TRHDE: variants seen among roughly 807,000 people sequenced by gnomAD.
TRHDE encodes thyrotropin-releasing hormone-degrading ectoenzyme.
Under a neutral mutation model 125.7 loss-of-function variants are expected in TRHDE, and 72 were observed. The ratio of observed to expected loss-of-function variants is 0.57; its 90% CI spans 0.47 to 0.70. The LOEUF (loss-of-function observed/expected upper bound fraction) is 0.70, where lower values mean the gene tolerates loss of function less well. TRHDE is among the 30% of genes least tolerant of loss of function. The pLI, the probability that TRHDE is intolerant of heterozygous loss-of-function variation, is 0.00. For synonymous variants in TRHDE, 509 were observed against 509.1 expected (o/e 1.00, Z 0.00); for missense variants, 1,110 against 1,327.1 (o/e 0.84, Z 2.54).
rs554208383 is a variant in TRHDE at position 72,121,926 on chromosome 12, T to G, written n.279+16174T>G. Among the ~76,000 whole-genome samples the G allele has an allele frequency of 1.4e-3, 210 of 152,208 alleles. 1 individual carries two copies. Among genetic ancestry groups the G allele is most frequent in the African/African-American group, 4.6e-3 (192 of 41,542 alleles). Reference sequence around the variant, plus strand: ...ATCTACTGGCTTGTCTTAGCTGGGTTGTGTAGAGCCATAGCCAGGCCAGCT... The same window carrying G: ...ATCTACTGGCTTGTCTTAGCTGGGTGGTGTAGAGCCATAGCCAGGCCAGCT... On this transcript the variant is annotated intron_variant and non_coding_transcript_variant, in intron 2 of 4. Transcript: ENST00000548156.
chr12:72,572,445 C>T (rs756798518), intron 10 of TRHDE, among the ~76,000 whole-genome samples: 1 of 152,044 alleles, frequency 6.6e-6, no homozygotes, highest in Non-Finnish European at 1.5e-5. Context: ...TGGTACTCAT[C>T]AAATACCATA....
At position 72,506,614 on chromosome 12, in the gene TRHDE, T is replaced by G. The variant is rs1878366726; in HGVS notation, c.1722+6979T>G. 1.3e-5 allele frequency among the ~76,000 whole-genome samples: 2 copies of G among 152,176 alleles called. 1 individual carries two copies. Among genetic ancestry groups the G allele is most frequent in the South Asian group, 4.1e-4 (2 of 4,832 alleles). ...TATTTAGCAAATAAACATTTCAGGATTTGATGTCAGATATATCTAAATTTG... is the reference window on the plus strand; with the variant it reads ...TATTTAGCAAATAAACATTTCAGGAGTTGATGTCAGATATATCTAAATTTG... On this transcript the variant is annotated intron_variant, in intron 6 of 18. Coordinates refer to ENST00000261180, the MANE Select transcript of TRHDE (RefSeq NM_013381.3).
chr12:72,520,513 G>A (rs567147256), intron 6 of TRHDE, among the ~76,000 whole-genome samples: 13 of 149,774 alleles, frequency 8.7e-5, no homozygotes, highest in South Asian at 6.2e-4. Flanking sequence ...CGCACGGTGC[G>A]CGCACCCACT....
At chr12:72,254,967 C>A (rs1301692767) in intron 2 of TRHDE, 1 of 152,222 alleles carries the variant, frequency 6.6e-6, no homozygotes. Context: ...TCTCCACATA[C>A]TACTGCTCTT....
rs1341104544 is a variant in TRHDE at position 72,557,678 on chromosome 12, C to G, written c.1789-4487C>G. On this transcript the variant is annotated intron_variant, in intron 7 of 18. Coordinates refer to ENST00000261180, the MANE Select transcript of TRHDE (RefSeq NM_013381.3). ...CCCTTGTCTTTATTAGTCCTGTTGG[C>G]TTTTACACATGACATGTTATGAAGC... is the stretch of plus-strand genomic sequence containing the variant. Among the ~76,000 whole-genome samples the G allele has an allele frequency of 2.0e-5, 3 of 152,106 alleles. No individual in the cohort carries two copies. In the East Asian group the frequency reaches 5.8e-4, roughly 29 times the overall value.
intron 2 of TRHDE, among the ~76,000 whole-genome samples, chr12:72,312,647 G>T (rs1325354881): frequency 2.0e-5 from 3 of 152,076 alleles, no homozygotes; most frequent in South Asian, 2.1e-4. Flanking sequence ...TTTCCGGGAG[G>T]TCACGAATTT....
intron 1 of TRHDE, among the ~76,000 whole-genome samples, chr12:72,276,006 A>G: frequency 6.6e-6 from 1 of 151,976 alleles, no homozygotes; most frequent in East Asian, 1.9e-4. Flanking sequence ...AGTAAATCTT[A>G]TAATTTCTTG....
chr12:72,469,664 C>T (rs1818512563), intron 3 of TRHDE, 94 bp from the exon 4 acceptor site: 1 of 1,372,488 alleles, frequency 7.3e-7, no homozygotes, highest in South Asian at 1.3e-5. Context: ...TCAAGTATTC[C>T]TTATAATTAG....
chr12:72,155,187 G>T (rs889637734), intron 2 of TRHDE, among the ~76,000 whole-genome samples: 2 of 151,998 alleles, frequency 1.3e-5, no homozygotes, highest in South Asian at 4.2e-4. Context: ...TGATTGAATT[G>T]GCTACTGAGG....
intron 7 of TRHDE, among the ~76,000 whole-genome samples, chr12:72,543,696 T>G (rs929175592): frequency 6.6e-6 from 1 of 151,328 alleles, no homozygotes; most frequent in Admixed American, 6.6e-5. Context: ...TCATTTTCTG[T>G]ATAAAATTCT....
Position 72,378,639 on chromosome 12 carries a change from C to A in TRHDE, c.1315+518C>A, listed in dbSNP as rs199879320. Among the ~76,000 whole-genome samples the A allele has an allele frequency of 3.9e-5, 6 of 152,236 alleles. No individual in the cohort carries two copies. The East Asian group carries it at 9.6e-4, about 24-fold the overall frequency. On this transcript the variant is annotated intron_variant, in intron 3 of 18. Coordinates refer to ENST00000261180, the MANE Select transcript of TRHDE (RefSeq NM_013381.3). Reference sequence around the variant, plus strand: ...TCCTTCCAAATTTTCACATGTCAGACCTCGATGTATGTTATCCCTTAGATT... The same window carrying A: ...TCCTTCCAAATTTTCACATGTCAGAACTCGATGTATGTTATCCCTTAGATT...
chr12:72,347,354 TATTA>T (rs1440652697), intron 2 of TRHDE, among the ~76,000 whole-genome samples: 1 of 152,062 alleles, frequency 6.6e-6, no homozygotes, highest in Non-Finnish European at 1.5e-5. Context: ...CATAGATGAG[TATTA>T]ATTAGGAGGC....
intron 6 of TRHDE, among the ~76,000 whole-genome samples, chr12:72,501,023 G>A (rs1454954242): frequency 6.6e-6 from 1 of 151,988 alleles, no homozygotes; most frequent in African/African-American, 2.4e-5. Flanking sequence ...CATGAATACA[G>A]TATGCCTCCA....
At chr12:72,660,105 A>G (rs544173404) in intron 18 of TRHDE, among the ~76,000 whole-genome samples, 1 of 152,286 alleles carries the variant, frequency 6.6e-6, no homozygotes, top group Non-Finnish European at 1.5e-5. Flanking sequence ...ATCATGGGAC[A>G]GGGGGCCCTT....
chr12:72,379,894 G>A (rs1872066752), intron 3 of TRHDE, among the ~76,000 whole-genome samples: 1 of 152,060 alleles, frequency 6.6e-6, no homozygotes, highest in African/African-American at 2.4e-5. Context: ...TTCTCTTAAA[G>A]TTCTACTTAT....
intron 6 of TRHDE, among the ~76,000 whole-genome samples, chr12:72,517,705 G>T (rs1012827281): frequency 6.6e-6 from 1 of 151,322 alleles, no homozygotes; most frequent in South Asian, 2.1e-4. Flanking sequence ...TGTGTTTGCT[G>T]TTGCTTTTCT....
rs1454842935 is a variant in TRHDE at position 72,369,625 on chromosome 12, A to G, written c.1189-8370A>G. ...ATAATGATAAACTATAGCCCCCAGA[A>G]GGAACTTTGAGCTGAGACCCAGAGA... is the stretch of plus-strand genomic sequence containing the variant. On this transcript the variant is annotated intron_variant, in intron 2 of 18. Coordinates refer to ENST00000261180, the MANE Select transcript of TRHDE (RefSeq NM_013381.3). Among the ~76,000 whole-genome samples the G allele has an allele frequency of 2.6e-5, 4 of 152,162 alleles. No homozygotes were observed. The East Asian group carries it at 5.8e-4, about 22-fold the overall frequency.
At position 72,471,425 on chromosome 12, in the gene TRHDE, A is replaced by G. The variant is rs140763235; in HGVS notation, c.1470+1513A>G. On this transcript the variant is annotated intron_variant, in intron 4 of 18. Transcript: ENST00000261180. Reference sequence around the variant, plus strand: ...CAAGTTAGATATATAGTTCTGTGGAAGTGAAAGCGCACCGATAATGTGTAA... The same window carrying G: ...CAAGTTAGATATATAGTTCTGTGGAGGTGAAAGCGCACCGATAATGTGTAA... 2.8e-3 allele frequency among the ~76,000 whole-genome samples: 430 copies of G among 152,318 alleles called. 3 individuals carry two copies. Among genetic ancestry groups the G allele is most frequent in the African/African-American group, 0.01 (424 of 41,564 alleles).
intron 2 of TRHDE, among the ~76,000 whole-genome samples, chr12:72,167,925 A>C (rs540583492): frequency 9.8e-5 from 15 of 152,312 alleles, no homozygotes; most frequent in African/African-American, 3.6e-4. Context: ...ATTTAACTGG[A>C]AGACGAAACT....
Sources: allele counts gnomAD v4.1 joint callset (sites outside exome capture counted in the v4.1 genomes callset), GRCh38; gene constraint gnomAD v4.1.1; transcripts MANE v1.5; gene names NCBI Gene and HGNC (gene_info 2026-07-23, HGNC 2026-07-21).